The following MACROD2 variants were observed in gnomAD, a reference collection of about 807,000 sequenced individuals.
MACROD2 encodes the protein ADP-ribose glycohydrolase MACROD2.
In MACROD2, 36 loss-of-function variants were observed where a neutral mutation model predicts 70.4. The ratio of observed to expected loss-of-function variants is 0.51; its 90% CI spans 0.39 to 0.68. The LOEUF (loss-of-function observed/expected upper bound fraction) is 0.68, where lower values mean the gene tolerates loss of function less well. MACROD2 is among the 30% of genes least tolerant of loss of function. The pLI is 0.00. For synonymous variants in MACROD2, 172 were observed against 178.8 expected (o/e 0.96, Z 0.30); for missense variants, 496 against 538.4 (o/e 0.92, Z 0.78).
intron 5 of MACROD2, among the ~76,000 whole-genome samples, chr20:15,145,316 C>T (rs928679974): frequency 1.3e-5 from 2 of 152,008 alleles, no homozygotes; most frequent in Non-Finnish European, 2.9e-5. Context: ...TAAATTTCTG[C>T]TTTTCCAAAT....
chr20:15,238,091 G>T (rs1424198468), intron 6 of MACROD2, among the ~76,000 whole-genome samples: 1 of 152,144 alleles, frequency 6.6e-6, no homozygotes, highest in Non-Finnish European at 1.5e-5. Context: ...TTATAAAAGG[G>T]TTTGCTGAGC....
chr20:14,058,451 AAT>A (rs1417509924), intron 2 of MACROD2, among the ~76,000 whole-genome samples: 2 of 151,738 alleles, frequency 1.3e-5, no homozygotes, highest in South Asian at 2.1e-4. Context: ...CAAAAAAAAA[AAT>A]GAAACTTTTT....
At chr20:15,763,439 G>T (rs1235198996) in intron 8 of MACROD2, among the ~76,000 whole-genome samples, 2 of 152,322 alleles carry the variant, frequency 1.3e-5, no homozygotes, top group Non-Finnish European at 2.9e-5. Flanking sequence ...TGGTGTGCAA[G>T]TATATATTCA....
At chr20:15,304,022 C>T (rs935939363) in intron 6 of MACROD2, among the ~76,000 whole-genome samples, 1 of 152,176 alleles carries the variant, frequency 6.6e-6, no homozygotes, top group Non-Finnish European at 1.5e-5. Context: ...GTCATTTTCA[C>T]AATTCTTCTT....
At chr20:14,293,453 G>A (rs2082402041) in intron 3 of MACROD2, among the ~76,000 whole-genome samples, 1 of 151,854 alleles carries the variant, frequency 6.6e-6, no homozygotes, top group Non-Finnish European at 1.5e-5. Context: ...AGAGATGACA[G>A]TTCAGGTGAG....
At chr20:15,112,065 A>G (rs1037940674) in intron 5 of MACROD2, among the ~76,000 whole-genome samples, 4 of 152,124 alleles carry the variant, frequency 2.6e-5, no homozygotes, top group African/African-American at 9.7e-5. Flanking sequence ...CCACCCCTCT[A>G]TTGTTCTCTG....
chr20:14,622,083 T>G (rs939474633), intron 4 of MACROD2, among the ~76,000 whole-genome samples: 4 of 152,166 alleles, frequency 2.6e-5, no homozygotes, highest in Admixed American at 1.3e-4. Flanking sequence ...ATAATTAAAT[T>G]GTATTACATT....
intron 2 of MACROD2, among the ~76,000 whole-genome samples, chr20:14,067,616 T>C (rs2053781406): frequency 6.6e-6 from 1 of 152,232 alleles, no homozygotes; most frequent in Admixed American, 6.5e-5. Context: ...ATACTGTGTA[T>C]TCATATCACA....
intron 12 of MACROD2, among the ~76,000 whole-genome samples, chr20:15,939,776 T>C (rs2065723117): frequency 6.6e-6 from 1 of 152,000 alleles, no homozygotes; most frequent in Non-Finnish European, 1.5e-5. Context: ...ATGGAAAGGG[T>C]TTACTATTCT....
intron 5 of MACROD2, among the ~76,000 whole-genome samples, chr20:15,195,071 A>T (rs1461537256): frequency 6.6e-6 from 1 of 152,176 alleles, no homozygotes; most frequent in Non-Finnish European, 1.5e-5. Context: ...TACATCTTAT[A>T]CAAAAATTAA....
At chr20:15,961,240 G>A (rs1388305705) in intron 12 of MACROD2, among the ~76,000 whole-genome samples, 1 of 152,126 alleles carries the variant, frequency 6.6e-6, no homozygotes, top group African/African-American at 2.4e-5. Flanking sequence ...TCTCACTCAG[G>A]TGAGTTTGTG....
chr20:15,080,992 A>G (rs1411914955), intron 5 of MACROD2, among the ~76,000 whole-genome samples: 4 of 151,970 alleles, frequency 2.6e-5, no homozygotes, highest in African/African-American at 9.7e-5. Context: ...CTTTAAAATT[A>G]TTTATTGTTT....
intron 3 of MACROD2, among the ~76,000 whole-genome samples, chr20:14,450,985 G>C (rs113917806): frequency 0.013 from 1,931 of 152,176 alleles, 50 homozygotes; most frequent in African/African-American, 0.045. Context: ...GGTCAATATG[G>C]ACTCTTCAGG....
chr20:14,746,571 A>G (rs1287684310), intron 5 of MACROD2, among the ~76,000 whole-genome samples: 1 of 152,128 alleles, frequency 6.6e-6, no homozygotes, highest in Admixed American at 6.6e-5. Flanking sequence ...TAGAAACTAT[A>G]TCACCCACGC....
chr20:14,611,131 G>A (rs893077347), intron 4 of MACROD2, among the ~76,000 whole-genome samples: 1 of 152,050 alleles, frequency 6.6e-6, no homozygotes, highest in Non-Finnish European at 1.5e-5. Context: ...TATACCTATG[G>A]TGTCAAACTA....
At chr20:14,659,778 A>T (rs1986140533) in intron 4 of MACROD2, among the ~76,000 whole-genome samples, 1 of 152,188 alleles carries the variant, frequency 6.6e-6, no homozygotes, top group South Asian at 2.1e-4. Flanking sequence ...TCCTTAAAAT[A>T]AATCAAACAA....
At chr20:14,470,299 A>T in intron 3 of MACROD2, among the ~76,000 whole-genome samples, 1 of 152,100 alleles carries the variant, frequency 6.6e-6, no homozygotes, top group East Asian at 1.9e-4. Context: ...TTCCTCTGGA[A>T]GCATGGTTTC....
At chr20:14,176,106 G>T (rs1432631959) in intron 3 of MACROD2, among the ~76,000 whole-genome samples, 1 of 152,124 alleles carries the variant, frequency 6.6e-6, no homozygotes, top group Non-Finnish European at 1.5e-5. Context: ...ACTTCCCAAT[G>T]CCATTACCTA....
intron 5 of MACROD2, among the ~76,000 whole-genome samples, chr20:15,119,776 C>T (rs1358467661): frequency 6.6e-6 from 1 of 152,192 alleles, no homozygotes; most frequent in Non-Finnish European, 1.5e-5. Flanking sequence ...GGAAACTAAA[C>T]TTTTGAAGTA....
Sources: gnomAD v4.1 joint callset for allele counts (sites outside exome capture counted in the v4.1 genomes callset) on GRCh38, gnomAD v4.1.1 for gene constraint, MANE v1.5 for transcripts, NCBI Gene and HGNC (gene_info 2026-07-23, HGNC 2026-07-21) for gene names.